Variants in KCNQ5 observed in about 807,000 individuals in gnomAD.
KCNQ5 encodes the protein potassium voltage-gated channel subfamily KQT member 5.
In KCNQ5, 30 loss-of-function variants were observed where a neutral mutation model predicts 98.2. The ratio of observed to expected loss-of-function variants is 0.31; its 90% CI spans 0.23 to 0.41. KCNQ5 has a LOEUF of 0.41. Ranked by LOEUF, KCNQ5 falls within the 10% of genes least tolerant of loss-of-function variation. The probability of loss-of-function intolerance (pLI) is 1.00; values close to 1 mark genes in which losing one functional copy is unlikely to be tolerated. For synonymous variants in KCNQ5, 458 were observed against 449.4 expected (o/e 1.02, Z -0.24); for missense variants, 835 against 1,182.5 (o/e 0.71, Z 4.31).
chr6:72,626,622 T>C (rs1282196518), intron 1 of KCNQ5, among the ~76,000 whole-genome samples: 1 of 152,190 alleles, frequency 6.6e-6, no homozygotes, highest in Non-Finnish European at 1.5e-5. Context: ...AGCAAATAAA[T>C]TGGAGTGCAA....
rs1414555802 is a variant in KCNQ5, at chr6:72,836,364, T to C, written c.399-167544T>C. ...GATGATTATGTGACCCTCAGATAAG[T>C]ATCTAAAATTTTTTATTGTATTTAT... On this transcript the variant is annotated intron_variant, in intron 1 of 13. Transcript: ENST00000370398. Among the ~76,000 whole-genome samples the C allele has an allele frequency of 2.6e-5, 4 of 152,170 alleles. No homozygotes were observed. The East Asian group carries it at 7.7e-4, about 29-fold the overall frequency.
chr6:72,976,955 T>A (rs778042468), intron 1 of KCNQ5, among the ~76,000 whole-genome samples: 4 of 152,212 alleles, frequency 2.6e-5, no homozygotes, highest in Non-Finnish European at 5.9e-5. Flanking sequence ...ACCTTAAATT[T>A]TGCTGGGTAT....
chr6:72,912,356 C>T (rs1381245090), intron 1 of KCNQ5, among the ~76,000 whole-genome samples: 2 of 152,160 alleles, frequency 1.3e-5, no homozygotes, highest in Admixed American at 6.6e-5. Context: ...TAGATACTTC[C>T]ACTAGAGAAT....
chr6:72,704,370 C>A (rs1306911304), intron 1 of KCNQ5, among the ~76,000 whole-genome samples: 1 of 152,012 alleles, frequency 6.6e-6, no homozygotes. Flanking sequence ...TCACAATGTG[C>A]ATGCTCTCTT....
In KCNQ5 at chr6:73,115,654, G is replaced by C. The variant is rs183684812; in HGVS notation, c.1125+4251G>C. 3.1e-3 allele frequency among the ~76,000 whole-genome samples: 476 copies of C among 152,274 alleles called. 5 individuals are homozygous for C. Among genetic ancestry groups the C allele is most frequent in the African/African-American group, 9.8e-3 (406 of 41,560 alleles). On this transcript the variant is annotated intron_variant, in intron 7 of 13. Coordinates refer to ENST00000370398, the MANE Select transcript of KCNQ5 (RefSeq NM_019842.4). The stretch of plus-strand genomic sequence containing the variant: ...AATTATAGAAATTATTTTCAACCTA[G>C]AACTCTATATCCAGCCAAACCACCA...
At position 72,903,913 on chromosome 6, in the gene KCNQ5, G is replaced by A. The variant is rs926649929; in HGVS notation, c.399-99995G>A. ...ACTTTCTTTCTTGATGACCTGTCTA[G>A]TGCTGTCAGTGGAGTATTGAAGTCT... On this transcript the variant is annotated intron_variant, in intron 1 of 13. Coordinates refer to ENST00000370398, the MANE Select transcript of KCNQ5 (RefSeq NM_019842.4). Among the ~76,000 whole-genome samples, 5 of 152,100 alleles carry A rather than the reference G, an allele frequency of 3.3e-5. No individual in the cohort carries two copies. The East Asian group carries it at 9.6e-4, about 29-fold the overall frequency.
chr6:72,898,547 T>C (rs1175281307), intron 1 of KCNQ5, among the ~76,000 whole-genome samples: 3 of 152,244 alleles, frequency 2.0e-5, no homozygotes, highest in African/African-American at 7.2e-5. Flanking sequence ...GGTATATGTG[T>C]ACCACATTTT....
intron 2 of KCNQ5, among the ~76,000 whole-genome samples, chr6:73,026,194 A>G (rs1399420732): frequency 4.6e-5 from 7 of 152,192 alleles, no homozygotes; most frequent in Admixed American, 1.3e-4. Flanking sequence ...ACTTCTGCCC[A>G]AGGCCTTTGT....
intron 1 of KCNQ5, among the ~76,000 whole-genome samples, chr6:72,906,652 C>T (rs1779711220): frequency 6.6e-6 from 1 of 152,352 alleles, no homozygotes; most frequent in Middle Eastern, 3.4e-3. Flanking sequence ...TCTTCACCTG[C>T]AAACTAGGCC....
intron 1 of KCNQ5, among the ~76,000 whole-genome samples, chr6:72,904,222 C>A (rs1382073885): frequency 1.3e-5 from 2 of 152,122 alleles, no homozygotes; most frequent in Admixed American, 6.5e-5. Context: ...TTTTCCACCC[C>A]TTTCCTTTAA....
At chr6:72,679,595 G>A (rs1165862055) in intron 1 of KCNQ5, among the ~76,000 whole-genome samples, 4 of 150,016 alleles carry the variant, frequency 2.7e-5, no homozygotes, top group South Asian at 2.1e-4. Context: ...AGGGGAGAGG[G>A]ATAGTTTTAG....
At chr6:73,064,607 G>C (rs7748770) in intron 3 of KCNQ5, among the ~76,000 whole-genome samples, 1 of 152,084 alleles carries the variant, frequency 6.6e-6, no homozygotes, top group Non-Finnish European at 1.5e-5. Flanking sequence ...TCATTTGGTA[G>C]GTGTGAAAAT....
chr6:72,706,467 T>C (rs987448809), intron 1 of KCNQ5, among the ~76,000 whole-genome samples: 1 of 152,178 alleles, frequency 6.6e-6, no homozygotes, highest in East Asian at 1.9e-4. Context: ...ATTTTATAAC[T>C]GAATAATCTG....
chr6:72,914,703 T>C (rs1422214174), intron 1 of KCNQ5, among the ~76,000 whole-genome samples: 1 of 150,556 alleles, frequency 6.6e-6, no homozygotes, highest in Non-Finnish European at 1.5e-5. Flanking sequence ...AGCTAAAGAG[T>C]AGATCTTGGT....
chr6:72,724,688 C>A (rs13213125), intron 1 of KCNQ5, among the ~76,000 whole-genome samples: 1 of 152,124 alleles, frequency 6.6e-6, no homozygotes, highest in African/African-American at 2.4e-5. Context: ...TGTGTCCCTC[C>A]TTGGCCACTG....
intron 1 of KCNQ5, among the ~76,000 whole-genome samples, chr6:72,763,741 G>A (rs1255453738): frequency 6.6e-6 from 1 of 151,986 alleles, no homozygotes; most frequent in Non-Finnish European, 1.5e-5. Context: ...GAAAGGGAAA[G>A]CCTAAAGAGG....
intron 1 of KCNQ5, among the ~76,000 whole-genome samples, chr6:72,709,464 G>A (rs766301883): frequency 3.3e-5 from 5 of 152,064 alleles, no homozygotes; most frequent in Non-Finnish European, 4.4e-5. Context: ...CTCTGATGGC[G>A]GTTTTATGGC....
chr6:72,649,953 A>C (rs1765792897), intron 1 of KCNQ5, among the ~76,000 whole-genome samples: 1 of 152,132 alleles, frequency 6.6e-6, no homozygotes, highest in Non-Finnish European at 1.5e-5. Context: ...TATTTAATAC[A>C]AACAGTCTCT....
intron 8 of KCNQ5, among the ~76,000 whole-genome samples, chr6:73,124,122 A>C (rs1385067816): frequency 6.6e-6 from 1 of 152,214 alleles, no homozygotes; most frequent in Non-Finnish European, 1.5e-5. Context: ...TGCCAGATGC[A>C]CAGAGAACAG....
Sources: gnomAD v4.1 joint callset for allele counts (sites outside exome capture counted in the v4.1 genomes callset) on GRCh38, gnomAD v4.1.1 for gene constraint, MANE v1.5 for transcripts, NCBI Gene and HGNC (gene_info 2026-07-23, HGNC 2026-07-21) for gene names.